LINGO2: variants seen among roughly 807,000 people sequenced by gnomAD.
LINGO2 encodes leucine rich repeat and Ig domain containing 2, also known as leucine-rich repeat and immunoglobulin-like domain-containing nogo receptor-interacting protein 2.
A neutral mutation model predicts 30.6 loss-of-function variants in LINGO2; 14 were observed. That is an observed-to-expected ratio of 0.46 (90% CI 0.30 to 0.72). The LOEUF (loss-of-function observed/expected upper bound fraction) is 0.72. Among genes scored for constraint, LINGO2 ranks in the 30% least tolerant of loss-of-function variants. LINGO2 has a pLI of 0.07. For missense variants in LINGO2, 729 were observed against 751.7 expected, an observed-to-expected ratio of 0.97 and a Z score of 0.35; for synonymous variants, 317 against 288.5, an observed-to-expected ratio of 1.10 and a Z score of -1.00.
chr9:29,002,036 A>G, the LINGO2 span, among the ~76,000 whole-genome samples: 1 of 151,986 alleles, frequency 6.6e-6, no homozygotes, highest in African/African-American at 2.4e-5. Context: ...TCTTATTTCT[A>G]CAAGTACTTT....
intron 4 of LINGO2, among the ~76,000 whole-genome samples, chr9:28,028,921 C>A (rs1823523534): frequency 6.6e-6 from 1 of 152,024 alleles, no homozygotes; most frequent in African/African-American, 2.4e-5. Context: ...GCCTATGGAA[C>A]CAATTTAATC....
chr9:28,085,840 G>T (rs192571702), intron 4 of LINGO2, among the ~76,000 whole-genome samples: 1 of 152,146 alleles, frequency 6.6e-6, no homozygotes, highest in Non-Finnish European at 1.5e-5. Flanking sequence ...CGCTGGTGAG[G>T]TATTTTACTG....
chr9:28,057,564 TAC>T (rs1824988908), intron 4 of LINGO2, among the ~76,000 whole-genome samples: 1 of 22,596 alleles, frequency 4.4e-5, no homozygotes, highest in Non-Finnish European at 1.3e-4. Context: ...TATATATATA[TAC>T]ATATATATAC....
At chr9:28,784,939 T>A in the LINGO2 span, among the ~76,000 whole-genome samples, 1 of 145,504 alleles carries the variant, frequency 6.9e-6, no homozygotes, top group Non-Finnish European at 1.5e-5. Flanking sequence ...AGAGCGAGAC[T>A]CTGTCTCAAA....
At chr9:28,017,725 G>A (rs1822909708) in intron 4 of LINGO2, among the ~76,000 whole-genome samples, 1 of 151,968 alleles carries the variant, frequency 6.6e-6, no homozygotes, top group Admixed American at 6.6e-5. Flanking sequence ...ACACAAATTG[G>A]AAAACATTCC....
chr9:28,738,512 C>A, the LINGO2 span, among the ~76,000 whole-genome samples: 1 of 151,830 alleles, frequency 6.6e-6, no homozygotes, highest in Non-Finnish European at 1.5e-5. Context: ...GCATTCAGAA[C>A]CGTTTGATTA....
chr9:28,861,735 G>C, the LINGO2 span, among the ~76,000 whole-genome samples: 1 of 151,844 alleles, frequency 6.6e-6, no homozygotes, highest in Non-Finnish European at 1.5e-5. Context: ...CTGCACCCCA[G>C]CCAGGGCAAC....
intron 1 of LINGO2, among the ~76,000 whole-genome samples, chr9:28,530,214 T>C (rs1462103409): frequency 6.6e-6 from 1 of 152,066 alleles, no homozygotes; most frequent in Non-Finnish European, 1.5e-5. Flanking sequence ...ACAAGTTTAA[T>C]AGCACGATGA....
the LINGO2 span, among the ~76,000 whole-genome samples, chr9:28,685,852 C>G: frequency 6.6e-6 from 1 of 152,012 alleles, no homozygotes; most frequent in Non-Finnish European, 1.5e-5. Context: ...CCCTCAAATT[C>G]TATTATGACT....
chr9:28,364,184 T>C (rs565136245), intron 3 of LINGO2, among the ~76,000 whole-genome samples: 2 of 152,172 alleles, frequency 1.3e-5, no homozygotes, highest in Non-Finnish European at 2.9e-5. Context: ...GATGATTCTT[T>C]ATATGATTAG....
intron 1 of LINGO2, among the ~76,000 whole-genome samples, chr9:28,550,160 A>G (rs2135498092): frequency 6.6e-6 from 1 of 152,016 alleles, no homozygotes; most frequent in Middle Eastern, 3.4e-3. Flanking sequence ...TAAATTCTGG[A>G]AAATTACTAA....
the LINGO2 span, among the ~76,000 whole-genome samples, chr9:28,767,013 A>G: frequency 2.6e-5 from 4 of 151,528 alleles, no homozygotes; most frequent in African/African-American, 9.8e-5. Context: ...GCATGATCTC[A>G]CTTTGATGTA....
At chr9:28,506,479 C>CACAGACATATAT (rs1260518228) in intron 1 of LINGO2, among the ~76,000 whole-genome samples, 8 of 11,362 alleles carry the variant, frequency 7.0e-4, no homozygotes, top group Admixed American at 1.1e-3. Flanking sequence ...CACACACACA[C>CACAGACATATAT]ATACACATAC....
intron 4 of LINGO2, among the ~76,000 whole-genome samples, chr9:28,222,021 G>T (rs570769127): frequency 6.6e-6 from 1 of 152,172 alleles, no homozygotes; most frequent in Admixed American, 6.5e-5. Context: ...TGTGCTATGG[G>T]TTTAGAGATA....
At chr9:28,015,185 A>G (rs1310969957) in intron 4 of LINGO2, among the ~76,000 whole-genome samples, 1 of 152,138 alleles carries the variant, frequency 6.6e-6, no homozygotes, top group East Asian at 1.9e-4. Context: ...GTGGGAAGTA[A>G]TTCTTGGATA....
chr9:28,928,181 G>A, the LINGO2 span, among the ~76,000 whole-genome samples: 1 of 152,082 alleles, frequency 6.6e-6, no homozygotes, highest in Non-Finnish European at 1.5e-5. Flanking sequence ...GTATTCTGTT[G>A]CCTTAGAAAA....
At chr9:28,004,371 C>A (rs1000695490) in intron 5 of LINGO2, among the ~76,000 whole-genome samples, 3 of 152,042 alleles carry the variant, frequency 2.0e-5, no homozygotes, top group African/African-American at 7.2e-5. Flanking sequence ...ATTTTTTTCT[C>A]TCACAGCTTA....
At chr9:28,619,846 A>G in intron 1 of LINGO2, among the ~76,000 whole-genome samples, 1 of 152,174 alleles carries the variant, frequency 6.6e-6, no homozygotes, top group East Asian at 1.9e-4. Context: ...TGAAGTAATC[A>G]TTTTTAAAAA....
chr9:29,028,975 T>C, the LINGO2 span, among the ~76,000 whole-genome samples: 1 of 152,160 alleles, frequency 6.6e-6, no homozygotes, highest in Non-Finnish European at 1.5e-5. Flanking sequence ...TACACAGTAA[T>C]AGCTGTATAC....
Sources: allele counts gnomAD v4.1 joint callset (sites outside exome capture counted in the v4.1 genomes callset), GRCh38; gene constraint gnomAD v4.1.1; transcripts MANE v1.5; gene names NCBI Gene and HGNC (gene_info 2026-07-23, HGNC 2026-07-21).